Variants in CTDP1 observed in about 807,000 individuals in gnomAD.
CTDP1 encodes the protein CTD phosphatase 1.
CTDP1 carries 47 observed loss-of-function variants against 91.8 expected under a neutral mutation model. The ratio of observed to expected loss-of-function variants is 0.51; its 90% CI spans 0.41 to 0.65. The LOEUF (loss-of-function observed/expected upper bound fraction) is 0.65, where lower values mean the gene tolerates loss of function less well. CTDP1 is among the 30% of genes least tolerant of loss of function. The pLI is 0.00. For missense variants in CTDP1, 1,272 were observed against 1,373.7 expected, an observed-to-expected ratio of 0.93 and a Z score of 1.17; for synonymous variants, 656 against 598.5, an observed-to-expected ratio of 1.10 and a Z score of -1.40.
chr18:79,697,868 A>G lies in CTDP1; in HGVS notation c.501A>G (p.Glu167=), dbSNP rs538386867. 5.6e-6 allele frequency: 9 copies of G among 1,614,236 alleles called. No individual in the cohort carries two copies. In the Admixed American group the frequency reaches 6.7e-5, roughly 12 times the overall value. The change falls in exon 4 of 13, where the codon GAA becomes GAG. Residue 167 remains glutamate (E), a synonymous_variant. Coordinates refer to ENST00000613122, the MANE Select transcript of CTDP1 (RefSeq NM_004715.5). ...PELMVSSEQA[E]QLGREDQQRL... is the part of the protein sequence containing the mutation. ...TTTCTTTTTAATTGTAGCAAGCTGA[A>G]CAGCTGGGAAGAGAAGACCAGCAGC...
At chr18:79,736,766 C>A (rs560158834) in intron 12 of CTDP1, among the ~76,000 whole-genome samples, 1 of 150,032 alleles carries the variant, frequency 6.7e-6, no homozygotes, top group South Asian at 2.1e-4. Flanking sequence ...ATCTGTACAT[C>A]TGCGCAGGCG....
chr18:79,750,181 G>A (rs998155439), intron 12 of CTDP1, among the ~76,000 whole-genome samples: 6 of 152,076 alleles, frequency 3.9e-5, no homozygotes, highest in South Asian at 4.1e-4. Context: ...AAAGGTGCGC[G>A]GAGATTTTTT....
At chr18:79,679,171 G>T (rs748968015), upstream of CTDP1, 2 of 319,194 alleles carry the variant, frequency 6.3e-6, no homozygotes, top group Admixed American at 4.3e-5. Flanking sequence ...TGCCCCAGAC[G>T]GGCCCACCGC....
At chr18:79,685,519 A>T (rs2085476319) in intron 1 of CTDP1, 1 of 152,200 alleles carries the variant, frequency 6.6e-6, no homozygotes, top group Non-Finnish European at 1.5e-5. Context: ...GGGCATCTGC[A>T]TTCACCAGCG....
intron 3 of CTDP1, 114 bp from the exon 4 acceptor site, chr18:79,697,746 T>C: frequency 6.7e-7 from 1 of 1,485,670 alleles, no homozygotes. Flanking sequence ...CCATGGAGCG[T>C]GGGGGGCTGG....
chr18:79,714,912 G>A lies in CTDP1; in HGVS notation c.1452G>A (p.Arg484=), dbSNP rs773091358. ...SDGESEGKRG[R]QKPKAAPEGA... ...GCGAAAGCGAGGGGAAAAGAGGCCG[G>A]CAGAAGCCGAAGGCTGCCCCAGAGG... The change falls in exon 8 of 13, where the codon CGG becomes CGA. Residue 484 remains arginine, a synonymous_variant. Transcript: ENST00000613122. The A allele has an allele frequency of 6.4e-7, 1 of 1,567,234 alleles. No homozygotes were observed. The highest frequency in any genetic ancestry group is 1.2e-5 in the South Asian group (1 of 85,790).
chr18:79,679,866 T>G lies in CTDP1; in HGVS notation c.-82T>G. 3.2e-6 allele frequency: 4 copies of G among 1,235,570 alleles called. No individual in the cohort carries two copies. Among genetic ancestry groups the G allele is most frequent in the South Asian group, 1.6e-5 (1 of 60,962 alleles). 76.5% of individuals were successfully genotyped at this position (1,235,570 alleles called of 1,614,324 possible). A position where few individuals can be genotyped will look rare whatever the true frequency, so the allele number is the denominator to read the frequency against. On this transcript the variant is annotated 5_prime_UTR_variant, in exon 1 of 13. Coordinates refer to ENST00000613122, the MANE Select transcript of CTDP1 (RefSeq NM_004715.5). ...CGAGAGGAACTACAGCGTCGCCGCC[T>G]GGGTTGTGTCGCCGCGGTAGGCGCT...
intron 1 of CTDP1, among the ~76,000 whole-genome samples, chr18:79,689,078 A>T (rs886551382): frequency 1.3e-5 from 2 of 152,222 alleles, no homozygotes; most frequent in African/African-American, 4.8e-5. Flanking sequence ...CATAGCACTA[A>T]TAGTCCTAAT....
At chr18:79,707,253 C>T (rs759835522) in intron 5 of CTDP1, among the ~76,000 whole-genome samples, 9 of 152,212 alleles carry the variant, frequency 5.9e-5, no homozygotes, top group Non-Finnish European at 1.2e-4. Flanking sequence ...AGTCTGATTC[C>T]ACGTTCATGA....
Position 79,680,028 on chromosome 18 carries a change from C to G in CTDP1, c.81C>G (p.Pro27=), listed in dbSNP as rs1247901043. The change falls in exon 1 of 13, where the codon CCC becomes CCG. Residue 27 remains proline, a synonymous_variant. Transcript: ENST00000613122. ...TGGCCGAGGTGCGCTGCCCGGGGCCCGCGCCGCTGCGCCTGCTGGAGTGGA... is the reference window on the plus strand; with the variant it reads ...TGGCCGAGGTGCGCTGCCCGGGGCCGGCGCCGCTGCGCCTGCTGGAGTGGA... ...AAVAEVRCPG[P]APLRLLEWRV... is the part of the protein sequence containing the mutation. 8 of 1,259,194 alleles carry G rather than the reference C, an allele frequency of 6.4e-6. No homozygotes were observed. Among genetic ancestry groups the G allele is most frequent in the Non-Finnish European group, 7.9e-6 (8 of 1,006,604 alleles). 78.0% of individuals were successfully genotyped at this position (1,259,194 alleles called of 1,614,324 possible).
chr18:79,715,648 C>T (rs990397085), intron 8 of CTDP1, 120 bp downstream of exon 8: 2 of 1,113,364 alleles, frequency 1.8e-6, no homozygotes, highest in Non-Finnish European at 2.5e-6. Flanking sequence ...TTCCCAGAAT[C>T]ACCATCTTTT....
upstream of CTDP1, chr18:79,679,748 A>ACG: frequency 1.9e-6 from 1 of 522,838 alleles, no homozygotes; most frequent in South Asian, 2.0e-5. Context: ...TCGTATTTAC[A>ACG]CGCGCACGTA....
chr18:79,753,512 G>T, intron 12 of CTDP1, 140 bp from the exon 13 acceptor site: 1 of 1,338,568 alleles, frequency 7.5e-7, no homozygotes, highest in Non-Finnish European at 1.1e-6. Context: ...CTGGGTCGGT[G>T]GCCTGTGTGT....
At chr18:79,693,403 CTT>C (rs1263428944) in intron 1 of CTDP1, among the ~76,000 whole-genome samples, 2 of 152,022 alleles carry the variant, frequency 1.3e-5, no homozygotes, top group African/African-American at 4.8e-5. Context: ...GTTTAACACA[CTT>C]TTTCAAACAA....
chr18:79,694,432 A>G (rs113633710), intron 1 of CTDP1, among the ~76,000 whole-genome samples: 21,170 of 82,688 alleles, frequency 0.26, 3,739 homozygotes, highest in African/African-American at 0.41. Flanking sequence ...CCCGGCTGGG[A>G]TGGGAGTGTG....
intron 12 of CTDP1, among the ~76,000 whole-genome samples, chr18:79,750,362 C>T (rs1256458132): frequency 6.6e-6 from 1 of 152,078 alleles, no homozygotes; most frequent in Non-Finnish European, 1.5e-5. Context: ...ATTTGCAACC[C>T]CTCACTCTCA....
At chr18:79,679,347 C>A (rs932260741), upstream of CTDP1, 13 of 446,132 alleles carry the variant, frequency 2.9e-5, no homozygotes, top group East Asian at 9.3e-4. Flanking sequence ...GGGCCCGCGG[C>A]GCGCAAGGCA....
intron 12 of CTDP1, among the ~76,000 whole-genome samples, chr18:79,745,008 C>T (rs182296298): frequency 1.4e-4 from 22 of 152,316 alleles, no homozygotes; most frequent in African/African-American, 5.3e-4. Flanking sequence ...ATGTCCATGG[C>T]CAGCTGGCTC....
chr18:79,685,946 TA>T (rs2085484783), intron 1 of CTDP1, among the ~76,000 whole-genome samples: 1 of 152,236 alleles, frequency 6.6e-6, no homozygotes, highest in South Asian at 2.1e-4. Context: ...GATGATACTT[TA>T]AAAAAGATAT....
Sources: allele counts gnomAD v4.1 joint callset (sites outside exome capture counted in the v4.1 genomes callset), GRCh38; gene constraint gnomAD v4.1.1; transcripts MANE v1.5; gene names NCBI Gene and HGNC (gene_info 2026-07-23, HGNC 2026-07-21).